Variants in PLCB4 observed in about 807,000 individuals in gnomAD.
The protein encoded by PLCB4 is phospholipase C beta 4, also known as 1-phosphatidylinositol 4,5-bisphosphate phosphodiesterase beta-4.
Under a neutral mutation model 178.8 loss-of-function variants are expected in PLCB4, and 77 were observed. The observed-to-expected ratio is 0.43, with a 90% CI of 0.36 to 0.52. PLCB4 has a LOEUF of 0.52. Ranked by LOEUF, PLCB4 falls within the 20% of genes least tolerant of loss-of-function variation. The pLI is 0.00. For synonymous variants in PLCB4, 496 were observed against 490.8 expected, an observed-to-expected ratio of 1.01 and a Z score of -0.14; for missense variants, 1,024 against 1,453.4, an observed-to-expected ratio of 0.70 and a Z score of 4.80.
At chr20:9,230,372 A>G (rs995840957) in intron 3 of PLCB4, among the ~76,000 whole-genome samples, 1 of 152,114 alleles carries the variant, frequency 6.6e-6, no homozygotes, top group African/African-American at 2.4e-5. Flanking sequence ...TAAGCAGTAT[A>G]GGGGTAAAGG....
At chr20:9,408,107 T>C in intron 22 of PLCB4, 49 bp downstream of exon 22, 1 of 1,502,190 alleles carries the variant, frequency 6.7e-7, no homozygotes, top group Non-Finnish European at 9.1e-7. Flanking sequence ...GATTTTCTTT[T>C]ATGGTGCTGA....
At chr20:9,176,270 C>T (rs2093153177) in intron 2 of PLCB4, among the ~76,000 whole-genome samples, 1 of 152,070 alleles carries the variant, frequency 6.6e-6, no homozygotes, top group Admixed American at 6.6e-5. Context: ...TGTATATTTC[C>T]AGTGTCAGGC....
At chr20:9,374,936 T>C (rs1332418651) in intron 12 of PLCB4, among the ~76,000 whole-genome samples, 1 of 152,182 alleles carries the variant, frequency 6.6e-6, no homozygotes, top group African/African-American at 2.4e-5. Flanking sequence ...TTTTTTTTAA[T>C]AGTGTTTCCT....
Position 9,164,851 on chromosome 20 carries a change from G to A in PLCB4, c.-78-52539G>A, listed in dbSNP as rs991027892. 5.3e-5 allele frequency among the ~76,000 whole-genome samples: 8 copies of A among 152,268 alleles called. No individual in the cohort carries two copies. In the South Asian group the frequency reaches 1.7e-3, roughly 32 times the overall value. On this transcript the variant is annotated intron_variant, in intron 2 of 39. Transcript: ENST00000378473. Reference sequence around the variant, plus strand: ...GGTGGAGGGAACTGCAGGATGCTAGGACTTGAGACTGATGGAAACGTTTGA... The same window carrying A: ...GGTGGAGGGAACTGCAGGATGCTAGAACTTGAGACTGATGGAAACGTTTGA...
At chr20:9,227,963 G>A (rs143976820) in intron 3 of PLCB4, among the ~76,000 whole-genome samples, 289 of 152,264 alleles carry the variant, frequency 1.9e-3, no homozygotes, top group African/African-American at 6.6e-3. Context: ...TTATAGGCAT[G>A]CTACAATCCA....
intron 3 of PLCB4, among the ~76,000 whole-genome samples, chr20:9,296,788 T>C (rs1309313082): frequency 6.6e-6 from 1 of 151,506 alleles, no homozygotes; most frequent in Non-Finnish European, 1.5e-5. Context: ...TGTTCTCACT[T>C]ATAGGTGGGA....
intron 36 of PLCB4, among the ~76,000 whole-genome samples, chr20:9,471,967 A>G (rs2044221211): frequency 6.6e-6 from 1 of 152,210 alleles, no homozygotes; most frequent in African/African-American, 2.4e-5. Context: ...TGTGTCAGGT[A>G]TTACAGGGCC....
intron 3 of PLCB4, among the ~76,000 whole-genome samples, chr20:9,296,840 A>G (rs2147800089): frequency 6.6e-6 from 1 of 152,112 alleles, no homozygotes; most frequent in African/African-American, 2.4e-5. Context: ...GGGGAACATC[A>G]CACACAGGGG....
chr20:9,442,385 T>C (rs2042161502), intron 30 of PLCB4, among the ~76,000 whole-genome samples: 1 of 151,968 alleles, frequency 6.6e-6, no homozygotes, highest in South Asian at 2.1e-4. Context: ...TGTGGTTTTT[T>C]TTTTTCTAAC....
rs999350329 is a variant in PLCB4 at position 9,180,338 on chromosome 20, C to T, written c.-78-37052C>T. Among the ~76,000 whole-genome samples, 74 of 152,170 alleles carry T rather than the reference C, an allele frequency of 4.9e-4. 4 individuals are homozygous for T. ...CAAAATAAAAAAGACCATTAGTACTCATTGTTCAGCGATTTAAATCTCACA... is the reference window on the plus strand; with the variant it reads ...CAAAATAAAAAAGACCATTAGTACTTATTGTTCAGCGATTTAAATCTCACA... On this transcript the variant is annotated intron_variant, in intron 2 of 39. Coordinates refer to ENST00000378473, the MANE Select transcript of PLCB4 (RefSeq NM_001377142.1).
intron 2 of PLCB4, among the ~76,000 whole-genome samples, chr20:9,193,683 A>C (rs1443005604): frequency 6.6e-6 from 1 of 152,186 alleles, no homozygotes; most frequent in Non-Finnish European, 1.5e-5. Flanking sequence ...TTACTATTTC[A>C]AAAATGGGAG....
chr20:9,293,485 A>G (rs963121062), intron 3 of PLCB4, among the ~76,000 whole-genome samples: 1 of 150,994 alleles, frequency 6.6e-6, no homozygotes, highest in African/African-American at 2.4e-5. Context: ...GAGAAAGAGG[A>G]CGAGAGGAAG....
intron 4 of PLCB4, among the ~76,000 whole-genome samples, chr20:9,327,789 T>C (rs1422128527): frequency 6.6e-6 from 1 of 151,858 alleles, no homozygotes; most frequent in Non-Finnish European, 1.5e-5. Flanking sequence ...AAAAAAATAA[T>C]AATAAAACAA....
intron 3 of PLCB4, among the ~76,000 whole-genome samples, chr20:9,247,792 T>C (rs1036420943): frequency 6.6e-6 from 1 of 152,218 alleles, no homozygotes; most frequent in Non-Finnish European, 1.5e-5. Flanking sequence ...CCTGGTGATC[T>C]GATTTCCACT....
chr20:9,206,285 TTTTTTTC>T (rs1299602574), intron 2 of PLCB4, among the ~76,000 whole-genome samples: 3 of 130,222 alleles, frequency 2.3e-5, no homozygotes, highest in African/African-American at 5.9e-5. Flanking sequence ...CCTCCTGCCT[TTTTTTTC>T]TTTTTTCTTT....
chr20:9,452,596 T>G lies in PLCB4; in HGVS notation c.2881-751T>G, dbSNP rs539386738. Reference sequence around the variant, plus strand: ...AAGTCATTGGCTGTAGCTAAATGCCTTTTTCATTGTCCAGGAAGAAATAAT... The same window carrying G: ...AAGTCATTGGCTGTAGCTAAATGCCGTTTTCATTGTCCAGGAAGAAATAAT... On this transcript the variant is annotated intron_variant, in intron 32 of 39. Transcript: ENST00000378473. Among the ~76,000 whole-genome samples the G allele has an allele frequency of 1.7e-3, 254 of 152,334 alleles. 2 individuals are homozygous for G. In the South Asian group the frequency reaches 0.022, roughly 13 times the overall value.
chr20:9,091,394 A>G (rs573186087), intron 1 of PLCB4, among the ~76,000 whole-genome samples: 29 of 152,172 alleles, frequency 1.9e-4, no homozygotes, highest in African/African-American at 6.7e-4. Flanking sequence ...GTTTTTGGCC[A>G]TAGACTGAAG....
intron 9 of PLCB4, among the ~76,000 whole-genome samples, chr20:9,369,665 A>C (rs998562349): frequency 3.3e-5 from 5 of 152,226 alleles, no homozygotes; most frequent in Non-Finnish European, 5.9e-5. Context: ...TGAAACAATA[A>C]AGCTGTGAAT....
chr20:9,079,038 A>G (rs1373136521), intron 1 of PLCB4, among the ~76,000 whole-genome samples: 1 of 152,230 alleles, frequency 6.6e-6, no homozygotes, highest in Non-Finnish European at 1.5e-5. Flanking sequence ...TGTGAATTGT[A>G]GAAATATGGT....
Sources: allele counts gnomAD v4.1 joint callset (sites outside exome capture counted in the v4.1 genomes callset), GRCh38; gene constraint gnomAD v4.1.1; transcripts MANE v1.5; gene names NCBI Gene and HGNC (gene_info 2026-07-23, HGNC 2026-07-21).